ACSM3: variants seen among roughly 807,000 people sequenced by gnomAD.
ACSM3 encodes the protein acyl-CoA synthetase medium chain family member 3.
Under a neutral mutation model 74.1 loss-of-function variants are expected in ACSM3, and 61 were observed. The ratio of observed to expected loss-of-function variants is 0.82; its 90% CI spans 0.67 to 1.02. The LOEUF is 1.02. Among genes scored for constraint, ACSM3 ranks in the 50% least tolerant of loss-of-function variants. The pLI is 0.00. For missense variants in ACSM3, 660 were observed against 697.0 expected (o/e 0.95, Z 0.60); for synonymous variants, 213 against 241.5 (o/e 0.88, Z 1.09).
intron 1 of ACSM3, chr16:20,729,239 G>A: frequency 1.0e-6 from 1 of 979,890 alleles, no homozygotes; most frequent in Non-Finnish European, 1.6e-6. Context: ...GGACAGTCCA[G>A]AGAAAACTGC....
intron 10 of ACSM3, chr16:20,791,039 G>T: frequency 8.5e-7 from 1 of 1,176,584 alleles, no homozygotes; most frequent in African/African-American, 1.5e-5. Flanking sequence ...CGGGAAGAGT[G>T]AGAGGGACAG....
rs1211063893 is a variant in ACSM3, at chr16:20,717,938, A to AGAAGAGGAAGAG, written c.-189-31960_-189-31949dup. On this transcript the variant is annotated intron_variant, in intron 1 of 3. Coordinates refer to the ACSM3 transcript ENST00000561584. The stretch of plus-strand genomic sequence containing the variant: ...AAGAAGAAGGAGGAGAAGGAGAAGG[A>AGAAGAGGAAGAG]GAAGAGGAAGAGGAAGAGGAAGAAG... Among the ~76,000 whole-genome samples, 661 of 100,436 alleles carry AGAAGAGGAAGAG rather than the reference A, an allele frequency of 6.6e-3. 36 individuals are homozygous for AGAAGAGGAAGAG. Among genetic ancestry groups the AGAAGAGGAAGAG allele is most frequent in the Non-Finnish European group, 0.01 (460 of 45,754 alleles). 65.9% of individuals were successfully genotyped at this position (100,436 alleles called of 152,430 possible). A position where few individuals can be genotyped will look rare whatever the true frequency, so the allele number is the denominator to read the frequency against.
At chr16:20,685,078 G>A (rs2079522106) in intron 1 of ACSM3, 1 of 1,091,008 alleles carries the variant, frequency 9.2e-7, no homozygotes, top group Non-Finnish European at 1.4e-6. Flanking sequence ...AGAAACTGGG[G>A]CGAAGGCTTC....
intron 1 of ACSM3, chr16:20,702,770 T>C (rs775539200): frequency 1.3e-5 from 2 of 152,244 alleles, no homozygotes; most frequent in African/African-American, 4.8e-5. Context: ...GGTTGCCTGT[T>C]CACTGTGATG....
intron 1 of ACSM3, chr16:20,721,707 G>C (rs913815276): frequency 9.2e-5 from 14 of 152,188 alleles, no homozygotes; most frequent in African/African-American, 3.4e-4. Flanking sequence ...TCTTGTGTTG[G>C]AGGACAGGAG....
At chr16:20,727,394 C>G (rs1366698002) in intron 1 of ACSM3, 32 of 569,968 alleles carry the variant, frequency 5.6e-5, no homozygotes, top group Non-Finnish European at 1.0e-4. Flanking sequence ...AGGCCCTCAC[C>G]CCGGAGGTGC....
chr16:20,710,926 A>T (rs2079741926), intron 1 of ACSM3, among the ~76,000 whole-genome samples: 1 of 152,042 alleles, frequency 6.6e-6, no homozygotes, highest in Non-Finnish European at 1.5e-5. Flanking sequence ...CTCTACTAAG[A>T]ATACAAAAAA....
intron 2 of ACSM3, among the ~76,000 whole-genome samples, chr16:20,753,658 TACAG>T (rs1172670003): frequency 6.6e-6 from 1 of 151,956 alleles, no homozygotes; most frequent in South Asian, 2.1e-4. Context: ...GGTACAGATA[TACAG>T]ACAGAGAATA....
intron 3 of ACSM3, among the ~76,000 whole-genome samples, chr16:20,776,536 G>T (rs981905625): frequency 2.6e-5 from 4 of 152,056 alleles, no homozygotes; most frequent in African/African-American, 7.2e-5. Flanking sequence ...GGCCCAGGAG[G>T]AAGATCTATA....
chr16:20,784,876 TA>T, intron 7 of ACSM3, 107 bp from the exon 8 acceptor site: 1 of 1,287,988 alleles, frequency 7.8e-7, no homozygotes, highest in Non-Finnish European at 1.1e-6. Flanking sequence ...GGAGAGGAAT[TA>T]AAAAGCGACT....
chr16:20,718,321 C>G (rs1441733390), intron 1 of ACSM3: 2 of 711,700 alleles, frequency 2.8e-6, no homozygotes, highest in East Asian at 8.3e-5. Flanking sequence ...TCTTACACCA[C>G]CATCTTGGGG....
At chr16:20,777,308 A>G in intron 3 of ACSM3, 65 bp from the exon 4 acceptor site, 3 of 1,408,994 alleles carry the variant, frequency 2.1e-6, no homozygotes, top group East Asian at 2.3e-5. Context: ...GATGGTATCT[A>G]CACTACTCTA....
At chr16:20,737,894 G>C in intron 1 of ACSM3, 1 of 1,613,514 alleles carries the variant, frequency 6.2e-7, no homozygotes, top group Non-Finnish European at 8.5e-7. Context: ...AAAATAACTC[G>C]AGTCTTCTTT....
chr16:20,678,919 AC>A (rs1307133920), intron 1 of ACSM3, among the ~76,000 whole-genome samples: 1 of 151,678 alleles, frequency 6.6e-6, no homozygotes, highest in Non-Finnish European at 1.5e-5. Context: ...TCAGCCGGCC[AC>A]CCCCCATCAT....
In ACSM3 at chr16:20,737,366, T is replaced by C. The variant is rs894297934; in HGVS notation, c.-189-12544T>C. ...GATACAAAAAATCTTTTGTCTCTGT[T>C]TCTTGTTAAAACAAGACATACAGTA... On this transcript the variant is annotated intron_variant, in intron 1 of 3. Coordinates refer to the ACSM3 transcript ENST00000561584. 8.4e-6 allele frequency: 12 copies of C among 1,431,838 alleles called. No individual in the cohort carries two copies. The East Asian group carries it at 2.8e-4, about 34-fold the overall frequency. The allele number at this position is 1,431,838 out of a possible 1,614,324, so 88.7% of individuals were successfully genotyped here.
chr16:20,737,120 C>T (rs150028626), intron 1 of ACSM3: 61 of 1,614,078 alleles, frequency 3.8e-5, no homozygotes, highest in Non-Finnish European at 4.7e-5. Context: ...TAAGCTGTGA[C>T]GGATCCTTAG....
intron 1 of ACSM3, among the ~76,000 whole-genome samples, chr16:20,716,570 A>G (rs1227378300): frequency 5.3e-5 from 8 of 152,172 alleles, no homozygotes; most frequent in Non-Finnish European, 1.2e-4. Context: ...CAAGCAGCAG[A>G]GCATATTCTA....
At chr16:20,705,573 T>A (rs2079725156) in intron 1 of ACSM3, among the ~76,000 whole-genome samples, 1 of 152,064 alleles carries the variant, frequency 6.6e-6, no homozygotes, top group African/African-American at 2.4e-5. Context: ...ATCCCTGAAA[T>A]ACACAGAATC....
chr16:20,752,168 C>T (rs909931781), intron 2 of ACSM3, among the ~76,000 whole-genome samples: 2 of 151,770 alleles, frequency 1.3e-5, no homozygotes, highest in African/African-American at 2.4e-5. Context: ...CCAGCCTGGG[C>T]GACAGAGCGA....
Sources: allele counts gnomAD v4.1 joint callset (sites outside exome capture counted in the v4.1 genomes callset), GRCh38; gene constraint gnomAD v4.1.1; transcripts MANE v1.5; gene names NCBI Gene and HGNC (gene_info 2026-07-23, HGNC 2026-07-21).